SPART: variants seen among roughly 807,000 people sequenced by gnomAD.
SPART encodes the protein spartin, also known as spastic paraplegia 20 (Troyer syndrome).
SPART carries 35 observed loss-of-function variants against 58.7 expected under a neutral mutation model. The observed-to-expected ratio is 0.60, with a 90% confidence interval of 0.46 to 0.79. SPART has a LOEUF of 0.79. Among genes scored for constraint, SPART ranks in the 30% least tolerant of loss-of-function variants. The pLI is 0.00. For synonymous variants in SPART, 284 were observed against 280.7 expected (o/e 1.01, Z -0.12); for missense variants, 730 against 786.1 (o/e 0.93, Z 0.85).
intron 8 of SPART, among the ~76,000 whole-genome samples, chr13:36,309,619 G>A (rs908758042): frequency 3.3e-5 from 5 of 152,198 alleles, no homozygotes; most frequent in African/African-American, 7.2e-5. Flanking sequence ...TATTCTAAGC[G>A]AATTAATGCA....
intron 1 of SPART, among the ~76,000 whole-genome samples, chr13:36,342,339 T>G (rs1211652174): frequency 6.6e-6 from 1 of 152,182 alleles, no homozygotes; most frequent in African/African-American, 2.4e-5. Context: ...GAATTAAGAA[T>G]TACTTTTACA....
rs553749825 is a variant in SPART at position 36,319,743 on chromosome 13, C to T, written c.1289-5322G>A. Among the ~76,000 whole-genome samples the T allele has an allele frequency of 3.7e-4, 52 of 140,250 alleles. 3 individuals carry two copies. The highest frequency in any genetic ancestry group is 1.2e-3 in the African/African-American group (49 of 39,778). The allele number at this position is 140,250 out of a possible 152,430, so 92.0% of individuals were successfully genotyped here. A position where few individuals can be genotyped will look rare whatever the true frequency, so the allele number is the denominator to read the frequency against. ...TGCACCCTTCATCCCAGCCTTTCTTCGCTTTCACTTGGACTGACCCTGACA... is the reference window on the plus strand; with the variant it reads ...TGCACCCTTCATCCCAGCCTTTCTTTGCTTTCACTTGGACTGACCCTGACA... On this transcript the variant is annotated intron_variant, in intron 5 of 8. Transcript: ENST00000438666.
intron 1 of SPART, among the ~76,000 whole-genome samples, chr13:36,357,928 A>T (rs558908090): frequency 1.3e-5 from 2 of 152,168 alleles, no homozygotes; most frequent in African/African-American, 4.8e-5. Context: ...TTTTCTGGCA[A>T]TATGAAGGTT....
chr13:36,334,160 G>C (rs756528218), intron 2 of SPART, among the ~76,000 whole-genome samples: 1 of 152,074 alleles, frequency 6.6e-6, no homozygotes, highest in Non-Finnish European at 1.5e-5. Context: ...TATATTCAAC[G>C]TATACTGAGT....
upstream of SPART, among the ~76,000 whole-genome samples, chr13:36,347,689 A>G (rs192335777): frequency 1.8e-3 from 275 of 152,292 alleles, 2 homozygotes; most frequent in Middle Eastern, 6.8e-3. Context: ...GGAGTCCCCA[A>G]AGACTATGAC....
intron 8 of SPART, among the ~76,000 whole-genome samples, chr13:36,305,691 G>A (rs988392083): frequency 6.6e-6 from 1 of 151,902 alleles, no homozygotes; most frequent in Non-Finnish European, 1.5e-5. Flanking sequence ...ACAATTTGAG[G>A]TCCTATACAG....
intron 5 of SPART, 30 bp from the exon 6 acceptor site, chr13:36,314,451 A>G (rs1459056290): frequency 1.9e-6 from 3 of 1,593,962 alleles, no homozygotes; most frequent in Non-Finnish European, 2.6e-6. Flanking sequence ...AAATTGCACA[A>G]TATTAGGGCT....
chr13:36,368,068 C>G (rs1338989427), intron 1 of SPART: 1 of 294,314 alleles, frequency 3.4e-6, no homozygotes, highest in Non-Finnish European at 6.9e-6. Context: ...ACCTTTGCCC[C>G]TAGTAAAATG....
At chr13:36,344,035 TAA>T (rs35639781) in intron 1 of SPART, among the ~76,000 whole-genome samples, 13 of 129,808 alleles carry the variant, frequency 1.0e-4, no homozygotes, top group Admixed American at 1.6e-4. Context: ...CTTGTCTCTT[TAA>T]AAAAAAAAAA....
At position 36,357,424 on chromosome 13, in the gene SPART, C is replaced by A. The variant is rs577143491; in HGVS notation, c.-3+12665G>T. Among the ~76,000 whole-genome samples, 4 of 152,268 alleles carry A rather than the reference C, an allele frequency of 2.6e-5. No homozygotes were observed. In the South Asian group the frequency reaches 8.3e-4, roughly 32 times the overall value. On this transcript the variant is annotated intron_variant, in intron 1 of 8. Coordinates refer to the SPART transcript ENST00000355182. ...TTAGAAGAATGTGAAGGTATGGCCT[C>A]CTCGGAAAAAGCCCCTGAGGCCCCT...
chr13:36,344,522 G>A (rs755442594), intron 1 of SPART, among the ~76,000 whole-genome samples: 1 of 152,108 alleles, frequency 6.6e-6, no homozygotes, highest in Admixed American at 6.5e-5. Flanking sequence ...AAGTCTAATG[G>A]TCAATTTCAG....
chr13:36,335,576 T>C lies in SPART; in HGVS notation c.255A>G (p.Leu85=), dbSNP rs1461907411. The change falls in exon 2 of 9, where the codon CTA becomes CTG. Residue 85 remains leucine, a synonymous_variant. Coordinates refer to ENST00000438666, the MANE Select transcript of SPART (RefSeq NM_015087.5). ...TTTCCAGCCTGGTGCGTACATTCTGTAGAGTTTCTTTCATTTTCTGTTGCA... is the reference window on the plus strand; with the variant it reads ...TTTCCAGCCTGGTGCGTACATTCTGCAGAGTTTCTTTCATTTTCTGTTGCA... ...RQMQQKMKET[L]QNVRTRLEIL... is the part of the protein sequence containing the mutation. 3 of 1,613,698 alleles carry C rather than the reference T, an allele frequency of 1.9e-6. No homozygotes were observed. The highest frequency in any genetic ancestry group is 2.2e-5 in the South Asian group (2 of 91,032).
intron 5 of SPART, among the ~76,000 whole-genome samples, chr13:36,324,858 G>A (rs1882757099): frequency 6.6e-6 from 1 of 152,158 alleles, no homozygotes; most frequent in Non-Finnish European, 1.5e-5. Context: ...AAGGGGATTT[G>A]TTCTCTGGCA....
intron 4 of SPART, among the ~76,000 whole-genome samples, chr13:36,329,095 T>G (rs1433095916): frequency 6.6e-6 from 1 of 152,080 alleles, no homozygotes; most frequent in Non-Finnish European, 1.5e-5. Flanking sequence ...GGCAGGATCC[T>G]GTCTCAAAAA....
chr13:36,337,879 TAAC>T (rs1229519190), intron 1 of SPART, among the ~76,000 whole-genome samples: 1 of 152,140 alleles, frequency 6.6e-6, no homozygotes, highest in African/African-American at 2.4e-5. Flanking sequence ...GTTTTCAACT[TAAC>T]AAGAAAAAAA....
In SPART at chr13:36,302,593, G is replaced by A. The variant is rs182957226; in HGVS notation, c.*1772C>T. 4.6e-5 allele frequency: 7 copies of A among 152,194 alleles called. No individual in the cohort carries two copies. The East Asian group carries it at 1.4e-3, about 29-fold the overall frequency. 9.4% of individuals were successfully genotyped at this position (152,194 alleles called of 1,614,324 possible). A position where few individuals can be genotyped will look rare whatever the true frequency, so the allele number is the denominator to read the frequency against. The stretch of plus-strand genomic sequence containing the variant: ...GTTTAAAGTTTATGTTCCATTATTT[G>A]CCATTCCATTTCTTTTTAAATTTTT... On this transcript the variant is annotated 3_prime_UTR_variant, in exon 9 of 9. Coordinates refer to ENST00000438666, the MANE Select transcript of SPART (RefSeq NM_015087.5).
chr13:36,335,322 G>A lies in SPART; in HGVS notation c.509C>T (p.Ala170Val). The A allele has an allele frequency of 6.2e-7, 1 of 1,614,002 alleles. No individual in the cohort carries two copies. The change falls in exon 2 of 9, where the codon GCT becomes GTT. Residue 170 changes from alanine to valine, a missense_variant. Physicochemically the swap from Ala to Val is moderately conservative, Grantham distance 64. Coordinates refer to ENST00000438666, the MANE Select transcript of SPART (RefSeq NM_015087.5). Reference protein sequence around the residue: ...SLPSQSCPAEAPPAYTPQAAE... With the variant: ...SLPSQSCPAEVPPAYTPQAAE... Reference sequence around the variant, plus strand: ...AGCTTGAGGAGTATAAGCAGGAGGAGCTTCTGCTGGACAACTTTGTGATGG... The same window carrying A: ...AGCTTGAGGAGTATAAGCAGGAGGAACTTCTGCTGGACAACTTTGTGATGG...
At position 36,335,694 on chromosome 13, in the gene SPART, T is replaced by C; in HGVS notation, c.137A>G (p.Tyr46Cys). Reference protein sequence around the residue: ...LGQKEEAKNYYKQGIGHLLRG... With the variant: ...LGQKEEAKNYCKQGIGHLLRG... The stretch of plus-strand genomic sequence containing the variant: ...GAGCAGGTGTCCTATTCCTTGCTTA[T>C]AGTAGTTCTTTGCTTCTTCCTTCTG... Residue 46 changes from tyrosine (Y) to cysteine (C), a missense_variant, in exon 2 of 9, where the codon TAT (tyrosine) becomes TGT (cysteine). Coordinates refer to ENST00000438666, the MANE Select transcript of SPART (RefSeq NM_015087.5). The C allele has an allele frequency of 6.2e-7, 1 of 1,614,174 alleles. No individual in the cohort carries two copies. Among genetic ancestry groups the C allele is most frequent in the Non-Finnish European group, 8.5e-7 (1 of 1,180,002 alleles).
At chr13:36,348,119 TACAAAAAAAC>T (rs1334743229), upstream of SPART, among the ~76,000 whole-genome samples, 1 of 151,942 alleles carries the variant, frequency 6.6e-6, no homozygotes, top group African/African-American at 2.4e-5. Context: ...AACCCGTCCC[TACAAAAAAAC>T]ACAAAAATTA....
Sources: allele counts gnomAD v4.1 joint callset (sites outside exome capture counted in the v4.1 genomes callset), GRCh38; gene constraint gnomAD v4.1.1; transcripts MANE v1.5; gene names NCBI Gene and HGNC (gene_info 2026-07-23, HGNC 2026-07-21).